The following MAP2 variants were observed in gnomAD, a reference collection of about 807,000 sequenced individuals.
The protein encoded by MAP2 is microtubule-associated protein 2.
MAP2 carries 14 observed loss-of-function variants against 137.6 expected under a neutral mutation model. The observed-to-expected ratio is 0.10, with a 90% CI of 0.07 to 0.16. The LOEUF is 0.16. Among genes scored for constraint, MAP2 ranks in the 10% least tolerant of loss-of-function variants. The pLI is 1.00. For synonymous variants in MAP2, 786 were observed against 782.3 expected, an observed-to-expected ratio of 1.00 and a Z score of -0.08; for missense variants, 2,088 against 2,191.5, an observed-to-expected ratio of 0.95 and a Z score of 0.94.
rs1219857889 is a variant in MAP2 at position 209,476,815 on chromosome 2, A to C, written c.-221-30777A>C. Among the ~76,000 whole-genome samples the C allele has an allele frequency of 2.6e-5, 4 of 152,200 alleles. No homozygotes were observed. The East Asian group carries it at 7.7e-4, about 29-fold the overall frequency. ...TATTACAATTGATCTTTCTTATACT[A>C]AATTAAACTTCATTTTCTCATTTGA... On this transcript the variant is annotated intron_variant, in intron 1 of 15. Transcript: ENST00000682079.
intron 4 of MAP2, among the ~76,000 whole-genome samples, chr2:209,649,678 G>T (rs2094648559): frequency 6.6e-6 from 1 of 152,122 alleles, no homozygotes; most frequent in Non-Finnish European, 1.5e-5. Flanking sequence ...CTCCTAAAAT[G>T]ATCATTACTT....
intron 11 of MAP2, among the ~76,000 whole-genome samples, chr2:209,701,860 G>T (rs560357425): frequency 5.3e-5 from 8 of 151,870 alleles, no homozygotes; most frequent in African/African-American, 1.7e-4. Flanking sequence ...GTTGGCCGTA[G>T]GGCTATGAAA....
intron 5 of MAP2, among the ~76,000 whole-genome samples, chr2:209,675,009 G>C (rs2050666349): frequency 6.6e-6 from 1 of 151,786 alleles, no homozygotes; most frequent in South Asian, 2.1e-4. Context: ...TGGACCAGTT[G>C]AAATTCCCAG....
intron 5 of MAP2, among the ~76,000 whole-genome samples, chr2:209,656,964 T>C (rs1434609447): frequency 6.6e-6 from 1 of 152,178 alleles, no homozygotes; most frequent in East Asian, 1.9e-4. Flanking sequence ...ATGTCTATTA[T>C]TTCCATATTT....
chr2:209,656,574 A>C (rs2095163205), intron 5 of MAP2, among the ~76,000 whole-genome samples: 1 of 152,136 alleles, frequency 6.6e-6, no homozygotes, highest in Non-Finnish European at 1.5e-5. Flanking sequence ...ACTATCCATA[A>C]AAAGAATTAT....
chr2:209,501,840 G>A (rs1043307359), intron 1 of MAP2, among the ~76,000 whole-genome samples: 21 of 152,072 alleles, frequency 1.4e-4, no homozygotes, highest in Admixed American at 1.1e-3. Flanking sequence ...TCCGCTCCTG[G>A]CACTGCAAAT....
intron 2 of MAP2, among the ~76,000 whole-genome samples, chr2:209,550,405 T>A (rs1339227611): frequency 6.6e-6 from 1 of 152,146 alleles, no homozygotes; most frequent in Admixed American, 6.5e-5. Flanking sequence ...GAGTTTTGTA[T>A]TTAAAATATA....
rs1384936492 is a variant in MAP2, at chr2:209,653,451, G to C, written c.262+19G>C. 1 of 1,562,052 alleles carries C rather than the reference G, an allele frequency of 6.4e-7. No homozygotes were observed. The highest frequency in any genetic ancestry group is 8.7e-7 in the Non-Finnish European group (1 of 1,154,668). On this transcript the variant is annotated intron_variant, in intron 5 of 15. Transcript: ENST00000682079. ...ACAGCAGGTAACTAAGGGCTCTACT[G>C]TCACCAAGTGCTTGCTTTGTGCTTT...
intron 2 of MAP2, among the ~76,000 whole-genome samples, chr2:209,541,492 G>A (rs1345318322): frequency 4.0e-5 from 6 of 151,198 alleles, no homozygotes; most frequent in African/African-American, 1.5e-4. Flanking sequence ...CACATTGGTT[G>A]TGTCTTCCCT....
intron 1 of MAP2, among the ~76,000 whole-genome samples, chr2:209,484,070 T>C (rs1189131741): frequency 6.6e-6 from 1 of 152,176 alleles, no homozygotes; most frequent in African/African-American, 2.4e-5. Context: ...TAAGCTTGAT[T>C]CCTTAGTTAA....
intron 2 of MAP2, among the ~76,000 whole-genome samples, chr2:209,530,841 G>A (rs1182127559): frequency 6.6e-6 from 1 of 152,026 alleles, no homozygotes; most frequent in African/African-American, 2.4e-5. Context: ...GTTGAATTTT[G>A]ACCCATGTCT....
intron 2 of MAP2, among the ~76,000 whole-genome samples, chr2:209,511,829 C>G (rs550466328): frequency 6.6e-6 from 1 of 152,232 alleles, no homozygotes; most frequent in African/African-American, 2.4e-5. Context: ...GCTTCAGCCT[C>G]TGAAGGTGCT....
intron 1 of MAP2, among the ~76,000 whole-genome samples, chr2:209,457,140 C>T (rs1005661361): frequency 3.0e-4 from 45 of 152,076 alleles, no homozygotes; most frequent in African/African-American, 9.7e-4. Context: ...AACATTACAA[C>T]CTGTTTTGAG....
At chr2:209,696,465 T>C (rs1277924876) in intron 8 of MAP2, 77 bp from the exon 9 acceptor site, 1 of 1,489,908 alleles carries the variant, frequency 6.7e-7, no homozygotes, top group African/African-American at 1.4e-5. Flanking sequence ...TTTTGTTAAA[T>C]ATACAAAGGA....
chr2:209,564,092 A>G (rs1268888427), intron 2 of MAP2, among the ~76,000 whole-genome samples: 5 of 152,076 alleles, frequency 3.3e-5, no homozygotes, highest in African/African-American at 9.7e-5. Context: ...TTTTTTCTGG[A>G]TTTTTACCTG....
chr2:209,685,196 G>A (rs147549131), intron 7 of MAP2, among the ~76,000 whole-genome samples: 58 of 152,134 alleles, frequency 3.8e-4, no homozygotes, highest in African/African-American at 1.3e-3. Flanking sequence ...TTCTTATCAA[G>A]GTTCTTACTG....
At chr2:209,485,679 G>T (rs938529737) in intron 1 of MAP2, among the ~76,000 whole-genome samples, 2 of 152,178 alleles carry the variant, frequency 1.3e-5, no homozygotes, top group Non-Finnish European at 2.9e-5. Flanking sequence ...AGAACTAGAA[G>T]ACCAACAGAT....
At chr2:209,527,565 T>G (rs2064264967) in intron 2 of MAP2, among the ~76,000 whole-genome samples, 1 of 152,140 alleles carries the variant, frequency 6.6e-6, no homozygotes, top group Non-Finnish European at 1.5e-5. Flanking sequence ...AACAATGAGG[T>G]TACATACTTG....
intron 13 of MAP2, among the ~76,000 whole-genome samples, chr2:209,717,565 AAATTAT>A: frequency 6.6e-6 from 1 of 152,370 alleles, no homozygotes. Context: ...AGCAACTAAT[AAATTAT>A]AGTGAAACAG....
Sources: gnomAD v4.1 joint callset for allele counts (sites outside exome capture counted in the v4.1 genomes callset) on GRCh38, gnomAD v4.1.1 for gene constraint, MANE v1.5 for transcripts, NCBI Gene and HGNC (gene_info 2026-07-23, HGNC 2026-07-21) for gene names.